NSUN7: variants seen among roughly 807,000 people sequenced by gnomAD.
The protein encoded by NSUN7 is NOP2/Sun RNA methyltransferase family member 7, also known as protein NSUN7.
In NSUN7, 39 loss-of-function variants were observed where a neutral mutation model predicts 58.5. The observed-to-expected ratio is 0.67, with a 90% CI of 0.52 to 0.87. NSUN7 has a LOEUF of 0.87. NSUN7 is among the 40% of genes least tolerant of loss of function. The pLI, the probability that NSUN7 is intolerant of heterozygous loss-of-function variation, is 0.00. For missense variants in NSUN7, 765 were observed against 844.1 expected, an observed-to-expected ratio of 0.91 and a Z score of 1.16; for synonymous variants, 278 against 303.7, an observed-to-expected ratio of 0.92 and a Z score of 0.88.
intron 10 of NSUN7, among the ~76,000 whole-genome samples, chr4:40,806,069 A>G (rs770359325): frequency 1.4e-4 from 22 of 152,088 alleles, no homozygotes; most frequent in Non-Finnish European, 2.1e-4. Flanking sequence ...CAATGGTGCA[A>G]TCTTGGCTTG....
chr4:40,785,922 C>T (rs1231844518), intron 7 of NSUN7, among the ~76,000 whole-genome samples: 1 of 152,242 alleles, frequency 6.6e-6, no homozygotes, highest in Non-Finnish European at 1.5e-5. Flanking sequence ...CCCAGTCCTC[C>T]GCCATCGCCC....
chr4:40,770,990 G>T (rs1741980283), intron 4 of NSUN7, among the ~76,000 whole-genome samples: 1 of 152,186 alleles, frequency 6.6e-6, no homozygotes, highest in Non-Finnish European at 1.5e-5. Flanking sequence ...GGCGGAGGTT[G>T]CAGTAAGCCG....
intron 8 of NSUN7, among the ~76,000 whole-genome samples, chr4:40,792,693 A>C (rs1293810460): frequency 6.6e-6 from 1 of 152,082 alleles, no homozygotes; most frequent in Admixed American, 6.5e-5. Flanking sequence ...CGGAGCCTGC[A>C]GTGAGCCGAG....
chr4:40,780,235 G>A (rs374573317), intron 7 of NSUN7, among the ~76,000 whole-genome samples: 7 of 152,206 alleles, frequency 4.6e-5, no homozygotes, highest in African/African-American at 1.2e-4. Flanking sequence ...AGCTGAGATC[G>A]CGCCACTGCC....
chr4:40,757,592 TTG>T (rs1189461607), intron 2 of NSUN7, among the ~76,000 whole-genome samples: 2 of 145,940 alleles, frequency 1.4e-5, no homozygotes, highest in Non-Finnish European at 3.0e-5. Context: ...TATATACACA[TTG>T]TGTGTATATA....
intron 7 of NSUN7, chr4:40,776,602 T>C (rs1361823628): frequency 5.3e-6 from 1 of 187,538 alleles, no homozygotes; most frequent in East Asian, 1.5e-4. Flanking sequence ...AAAGATAATA[T>C]CTAGGACTAG....
intron 8 of NSUN7, among the ~76,000 whole-genome samples, chr4:40,793,192 A>T (rs961781394): frequency 6.6e-6 from 1 of 152,206 alleles, no homozygotes; most frequent in Non-Finnish European, 1.5e-5. Flanking sequence ...CTGTAATCCC[A>T]CCACTTTGGG....
At position 40,761,155 on chromosome 4, in the gene NSUN7, T is replaced by C; in HGVS notation, c.358-16T>C. The C allele has an allele frequency of 6.4e-7, 1 of 1,557,694 alleles. No individual in the cohort carries two copies. The highest frequency in any genetic ancestry group is 8.7e-7 in the Non-Finnish European group (1 of 1,152,998). On this transcript the variant is annotated splice_polypyrimidine_tract_variant and intron_variant, in intron 3 of 11. Coordinates refer to ENST00000381782, the MANE Select transcript of NSUN7 (RefSeq NM_024677.6). ...TTGTTTGTATACTTTTCTTTATATA[T>C]GTTTTCCCTTGTTAGCCAGATCATT... is the stretch of plus-strand genomic sequence containing the variant.
At position 40,775,745 on chromosome 4, in the gene NSUN7, A is replaced by G. The variant is rs1433196782; in HGVS notation, c.826-304A>G. On this transcript the variant is annotated intron_variant, in intron 6 of 11. Transcript: ENST00000381782. The surrounding 1 kb of genome is among the most constrained non-coding windows in gnomAD (Gnocchi z 4.3). Reference sequence around the variant, plus strand: ...ATGAGTGGGTTTTTGTGAAGGGGTAAGAATGGGAGTTAAGATAGGACATCA... The same window carrying G: ...ATGAGTGGGTTTTTGTGAAGGGGTAGGAATGGGAGTTAAGATAGGACATCA... Among the ~76,000 whole-genome samples the G allele has an allele frequency of 6.6e-6, 1 of 152,204 alleles. No individual in the cohort carries two copies. The highest frequency in any genetic ancestry group is 1.5e-5 in the Non-Finnish European group (1 of 68,022).
chr4:40,807,133 GGAACCATCT>G lies in NSUN7; in HGVS notation c.1477_1485del (p.Pro493_Glu495del), dbSNP rs1743838234. The G allele has an allele frequency of 2.6e-6, 4 of 1,550,900 alleles. No individual in the cohort carries two copies. Among genetic ancestry groups the G allele is most frequent in the Non-Finnish European group, 2.6e-6 (3 of 1,146,500 alleles). ...TGTCTACTGATAAATTTTTCAGAAT[GGAACCATCT>G]GAAATTACCAATGGTTGTTTTCTTT... On this transcript the variant is annotated inframe_deletion, in exon 11 of 12. Transcript: ENST00000381782.
At chr4:40,793,958 T>C (rs1743212763) in intron 8 of NSUN7, among the ~76,000 whole-genome samples, 1 of 152,214 alleles carries the variant, frequency 6.6e-6, no homozygotes, top group Admixed American at 6.5e-5. Flanking sequence ...GGAAAGTTAG[T>C]ATTTTAAACC....
intron 7 of NSUN7, among the ~76,000 whole-genome samples, chr4:40,780,138 G>A (rs1338358163): frequency 3.3e-5 from 5 of 152,008 alleles, no homozygotes; most frequent in African/African-American, 7.3e-5. Context: ...AAACTTAGCC[G>A]GATGAGTGGT....
intron 7 of NSUN7, among the ~76,000 whole-genome samples, chr4:40,784,744 C>T (rs1199058624): frequency 6.6e-6 from 1 of 152,142 alleles, no homozygotes; most frequent in Admixed American, 6.6e-5. Flanking sequence ...CTCAAAAGAA[C>T]CCCTGAGTTG....
intron 10 of NSUN7, among the ~76,000 whole-genome samples, chr4:40,805,333 GTCC>G (rs1363296248): frequency 6.6e-6 from 1 of 152,122 alleles, no homozygotes; most frequent in Non-Finnish European, 1.5e-5. Flanking sequence ...CGGGACTGAG[GTCC>G]TCGTCTCCTT....
chr4:40,792,968 A>C (rs894305598), intron 8 of NSUN7, among the ~76,000 whole-genome samples: 3 of 152,218 alleles, frequency 2.0e-5, no homozygotes, highest in African/African-American at 7.2e-5. Flanking sequence ...AATTAGTTTT[A>C]AAAACATTTT....
chr4:40,776,068 C>T lies in NSUN7; in HGVS notation c.845C>T (p.Ala282Val), dbSNP rs1237026231. ...LIFQDKSRSL[A>V]VHSVKALLNM... is the part of the protein sequence containing the mutation. ...TTACAGGACAAATCTCGAAGTCTTG[C>T]TGTCCATTCTGTAAAGGCTTTATTA... is the stretch of plus-strand genomic sequence containing the variant. The change falls in exon 7 of 12, where the codon GCT becomes GTT. Residue 282 changes from alanine to valine, a missense_variant. Transcript: ENST00000381782. The T allele has an allele frequency of 3.7e-6, 6 of 1,603,200 alleles. No individual in the cohort carries two copies. The highest frequency in any genetic ancestry group is 5.1e-6 in the Non-Finnish European group (6 of 1,174,152).
intron 7 of NSUN7, among the ~76,000 whole-genome samples, chr4:40,780,976 C>T (rs1242493306): frequency 6.6e-6 from 1 of 151,130 alleles, no homozygotes. Flanking sequence ...GCCACCACAC[C>T]CGGCTAATTT....
intron 4 of NSUN7, among the ~76,000 whole-genome samples, chr4:40,768,559 C>T (rs1741847820): frequency 6.6e-6 from 1 of 152,132 alleles, no homozygotes; most frequent in African/African-American, 2.4e-5. Context: ...AGAATGATTT[C>T]CTCCTTGTAA....
chr4:40,793,761 T>G (rs897314271), intron 8 of NSUN7, among the ~76,000 whole-genome samples: 1 of 152,250 alleles, frequency 6.6e-6, no homozygotes, highest in Non-Finnish European at 1.5e-5. Flanking sequence ...TTAGAAGGGC[T>G]AGTAATTCTT....
Sources: gnomAD v4.1 joint callset for allele counts (sites outside exome capture counted in the v4.1 genomes callset) on GRCh38, gnomAD v4.1.1 for gene constraint, Gnocchi (gnomAD v3.1) non-coding constraint, MANE v1.5 for transcripts, NCBI Gene and HGNC (gene_info 2026-07-23, HGNC 2026-07-21) for gene names.